The following FAM3C variants were observed in gnomAD, a reference collection of about 807,000 sequenced individuals.
FAM3C encodes the protein FAM3 metabolism regulating signaling molecule C.
Under a neutral mutation model 32.5 loss-of-function variants are expected in FAM3C, and 15 were observed. That is an observed-to-expected ratio of 0.46 (90% CI 0.31 to 0.71). FAM3C has a LOEUF of 0.71. FAM3C is among the 30% of genes least tolerant of loss of function. FAM3C has a pLI of 0.05. For synonymous variants in FAM3C, 75 were observed against 86.1 expected, an observed-to-expected ratio of 0.87 and a Z score of 0.72; for missense variants, 175 against 274.4, an observed-to-expected ratio of 0.64 and a Z score of 2.56.
At chr7:121,368,216 T>C (rs1562887102) in intron 5 of FAM3C, among the ~76,000 whole-genome samples, 2 of 152,200 alleles carry the variant, frequency 1.3e-5, no homozygotes, top group Admixed American at 6.5e-5. Flanking sequence ...TTCTTGTGGA[T>C]GAGCTGACCT....
chr7:121,385,416 G>T (rs946642640), intron 1 of FAM3C, among the ~76,000 whole-genome samples: 1 of 152,158 alleles, frequency 6.6e-6, no homozygotes, highest in Non-Finnish European at 1.5e-5. Context: ...AGATTCAACA[G>T]CAAGGACAGC....
intron 2 of FAM3C, among the ~76,000 whole-genome samples, chr7:121,381,807 T>C (rs1447099657): frequency 6.6e-6 from 1 of 152,230 alleles, no homozygotes; most frequent in Non-Finnish European, 1.5e-5. Flanking sequence ...AATTGCTTTA[T>C]AATTTCACAA....
rs567219535 is a variant in FAM3C at position 121,357,414 on chromosome 7, G to A, written c.467+2629C>T. Among the ~76,000 whole-genome samples, 221 of 152,208 alleles carry A rather than the reference G, an allele frequency of 1.5e-3. 1 individual carries two copies. Among genetic ancestry groups the A allele is most frequent in the Non-Finnish European group, 1.8e-3 (122 of 68,006 alleles). ...CATAATACATCAGCAGCAGTAAGCAGAATTTCTATTCATATATAAGAGAGG... is the reference window on the plus strand; with the variant it reads ...CATAATACATCAGCAGCAGTAAGCAAAATTTCTATTCATATATAAGAGAGG... On this transcript the variant is annotated intron_variant, in intron 8 of 9. Transcript: ENST00000359943.
At chr7:121,353,747 G>A (rs1274094112) in intron 8 of FAM3C, among the ~76,000 whole-genome samples, 1 of 152,182 alleles carries the variant, frequency 6.6e-6, no homozygotes, top group African/African-American at 2.4e-5. Context: ...CATTTCCCAT[G>A]TGTTGTCCTA....
At position 121,366,774 on chromosome 7, in the gene FAM3C, A is replaced by AAG. The variant is rs561941393; in HGVS notation, c.273-2587_273-2586insCT. The stretch of plus-strand genomic sequence containing the variant: ...CATTTAAAAGGTTCTATGCTTTACT[A>AAG]CTTAACCATTGGCTCAGCTGCATCA... On this transcript the variant is annotated intron_variant, in intron 5 of 9. Coordinates refer to ENST00000359943, the MANE Select transcript of FAM3C (RefSeq NM_014888.3). Among the ~76,000 whole-genome samples, 25 of 152,332 alleles carry AAG rather than the reference A, an allele frequency of 1.6e-4. No individual in the cohort carries two copies. The East Asian group carries it at 4.8e-3, about 29-fold the overall frequency.
rs1392743860 is a variant in FAM3C, at chr7:121,352,108, CA to C, written c.468-840del. Among the ~76,000 whole-genome samples the C allele has an allele frequency of 6.6e-5, 10 of 152,272 alleles. No individual in the cohort carries two copies. The South Asian group carries it at 1.5e-3, about 22-fold the overall frequency. On this transcript the variant is annotated intron_variant, in intron 8 of 9. Coordinates refer to ENST00000359943, the MANE Select transcript of FAM3C (RefSeq NM_014888.3). ...TGCGCAAAAGACAGCTCTAACAGGT[CA>C]CTTAGAGAGGTTTGTTCTGCTAAAA...
intron 5 of FAM3C, among the ~76,000 whole-genome samples, chr7:121,367,619 T>C (rs1166744976): frequency 1.3e-5 from 2 of 152,158 alleles, no homozygotes; most frequent in African/African-American, 4.8e-5. Context: ...TTCATACAAA[T>C]TGAAATCAAA....
chr7:121,374,613 T>C (rs958863087), intron 3 of FAM3C, among the ~76,000 whole-genome samples: 1 of 152,192 alleles, frequency 6.6e-6, no homozygotes, highest in Non-Finnish European at 1.5e-5. Context: ...TAACCATATA[T>C]CCATCTTCGT....
At position 121,382,940 on chromosome 7, in the gene FAM3C, T is replaced by A. The variant is rs1294459030; in HGVS notation, c.13+17A>T. 1.3e-6 allele frequency: 2 copies of A among 1,584,164 alleles called. No individual in the cohort carries two copies. The highest frequency in any genetic ancestry group is 2.7e-5 in the African/African-American group (2 of 74,042). Reference sequence around the variant, plus strand: ...ACACAAAAAGTACAATTACTTCTACTAAATTAAATATCTTACCTGCTACCC... The same window carrying A: ...ACACAAAAAGTACAATTACTTCTACAAAATTAAATATCTTACCTGCTACCC... On this transcript the variant is annotated intron_variant, in intron 2 of 9. Transcript: ENST00000359943.
At chr7:121,361,813 G>T (rs1412354878) in intron 7 of FAM3C, among the ~76,000 whole-genome samples, 1 of 152,120 alleles carries the variant, frequency 6.6e-6, no homozygotes, top group Non-Finnish European at 1.5e-5. Context: ...GGAGTAGCTG[G>T]AACTAAAGGT....
intron 4 of FAM3C, 96 bp downstream of exon 4, chr7:121,372,014 T>C: frequency 1.2e-6 from 1 of 853,556 alleles, no homozygotes. Context: ...CTAAAGCAGT[T>C]TTTCCTCATA....
intron 2 of FAM3C, among the ~76,000 whole-genome samples, chr7:121,380,847 T>C (rs1794335776): frequency 6.6e-6 from 1 of 151,988 alleles, no homozygotes; most frequent in Admixed American, 6.6e-5. Flanking sequence ...CAAGGCATTA[T>C]TTTCCTTTTA....
intron 5 of FAM3C, among the ~76,000 whole-genome samples, chr7:121,369,550 CTG>C (rs543799218): frequency 2.4e-3 from 360 of 152,260 alleles, no homozygotes; most frequent in Non-Finnish European, 3.6e-3. Flanking sequence ...GTTAAAGAAA[CTG>C]AAACACAAAT....
chr7:121,361,675 C>T (rs1386496601), intron 7 of FAM3C, among the ~76,000 whole-genome samples: 10 of 152,122 alleles, frequency 6.6e-5, no homozygotes, highest in South Asian at 2.1e-4. Flanking sequence ...AAATAATACA[C>T]GGCATCTTTT....
chr7:121,371,431 G>A lies in FAM3C; in HGVS notation c.149-8C>T. 1 of 1,612,690 alleles carries A rather than the reference G, an allele frequency of 6.2e-7. No homozygotes were observed. The stretch of plus-strand genomic sequence containing the variant: ...ATCTGGGAGGCTTTGTAGCTTTGGG[G>A]GAGAAAACATGATGTCTTTTTTTAG... On this transcript the variant is annotated splice_region_variant and splice_polypyrimidine_tract_variant and intron_variant, in intron 4 of 9. Coordinates refer to ENST00000359943, the MANE Select transcript of FAM3C (RefSeq NM_014888.3).
intron 2 of FAM3C, among the ~76,000 whole-genome samples, chr7:121,380,851 C>A (rs1794335928): frequency 6.6e-6 from 1 of 151,252 alleles, no homozygotes; most frequent in Non-Finnish European, 1.5e-5. Flanking sequence ...GCATTATTTT[C>A]CTTTTACAAA....
Position 121,395,872 on chromosome 7 carries a change from G to A in FAM3C, c.-42+290C>T, listed in dbSNP as rs1412945625. Reference sequence around the variant, plus strand: ...TGCCCGCCCCAGGCCGGGGCGCCGAGTGCCAGCGCCAGGTGCAGACGCCGC... The same window carrying A: ...TGCCCGCCCCAGGCCGGGGCGCCGAATGCCAGCGCCAGGTGCAGACGCCGC... On this transcript the variant is annotated intron_variant, in intron 1 of 9. Coordinates refer to ENST00000359943, the MANE Select transcript of FAM3C (RefSeq NM_014888.3). 4.6e-5 allele frequency among the ~76,000 whole-genome samples: 7 copies of A among 151,942 alleles called. No individual in the cohort carries two copies. In the South Asian group the frequency reaches 1.5e-3, roughly 32 times the overall value.
rs1794294525 is a variant in FAM3C, at chr7:121,378,892, G to GA, written c.118+17dup. The GA allele has an allele frequency of 2.2e-6, 3 of 1,353,298 alleles. No homozygotes were observed. The South Asian group carries it at 4.0e-5, about 18-fold the overall frequency. The allele number at this position is 1,353,298 out of a possible 1,614,324, so 83.8% of individuals were successfully genotyped here. On this transcript the variant is annotated intron_variant, in intron 3 of 9. Coordinates refer to ENST00000359943, the MANE Select transcript of FAM3C (RefSeq NM_014888.3). ...ACATCAAAAATAAGATTTAAGAAAG[G>GA]AAAAAAATAAAACTTACCAAATAGA...
chr7:121,351,254 T>C lies in FAM3C; in HGVS notation c.483A>G (p.Ala161=), dbSNP rs1480529957. The change falls in exon 9 of 10, where the codon GCA becomes GCG. Residue 161 remains alanine (A), a synonymous_variant. Transcript: ENST00000359943. ...DDGATKLNDE[A]RRLIADLGST... is the part of the protein sequence containing the mutation. ...TCCCCAAATCAGCAATGAGCCGCCGTGCCTCATCATTGAGTCTTGAAGAGG... is the reference window on the plus strand; with the variant it reads ...TCCCCAAATCAGCAATGAGCCGCCGCGCCTCATCATTGAGTCTTGAAGAGG... 6.2e-7 allele frequency: 1 copy of C among 1,613,488 alleles called. No homozygotes were observed. The highest frequency in any genetic ancestry group is 1.7e-5 in the Admixed American group (1 of 59,912).
Sources: gnomAD v4.1 joint callset for allele counts (sites outside exome capture counted in the v4.1 genomes callset) on GRCh38, gnomAD v4.1.1 for gene constraint, MANE v1.5 for transcripts, NCBI Gene and HGNC (gene_info 2026-07-23, HGNC 2026-07-21) for gene names.